CD55: variants seen among roughly 807,000 people sequenced by gnomAD.
CD55 encodes CD55 molecule (Cromer blood group).
Under a neutral mutation model 45.8 loss-of-function variants are expected in CD55, and 41 were observed. The ratio of observed to expected loss-of-function variants is 0.90; its 90% CI spans 0.70 to 1.16. The LOEUF is 1.16. Among genes scored for constraint, CD55 ranks in the 50% most tolerant of loss-of-function variants. CD55 has a pLI of 0.00. For missense variants in CD55, 416 were observed against 469.8 expected (o/e 0.89, Z 1.06); for synonymous variants, 181 against 181.1 (o/e 1.00, Z 0.01).
intron 9 of CD55, among the ~76,000 whole-genome samples, chr1:207,344,660 T>C (rs1167600150): frequency 6.6e-6 from 1 of 152,160 alleles, no homozygotes; most frequent in Non-Finnish European, 1.5e-5. Context: ...TTTAGAACTC[T>C]CTCTGTCTTT....
chr1:207,353,886 G>T, intron 9 of CD55: 3 of 745,452 alleles, frequency 4.0e-6, no homozygotes, highest in East Asian at 5.8e-5. Flanking sequence ...CTCTTCCCAG[G>T]GTGCCTTCAC....
intron 9 of CD55, among the ~76,000 whole-genome samples, chr1:207,357,677 G>A (rs377755247): frequency 9.2e-5 from 14 of 152,172 alleles, no homozygotes; most frequent in African/African-American, 2.4e-4. Flanking sequence ...GTGATTGGCT[G>A]TGATACTTGT....
At chr1:207,322,234 A>T in intron 1 of CD55, 148 bp from the exon 2 acceptor site, 1 of 764,734 alleles carries the variant, frequency 1.3e-6, no homozygotes, top group Non-Finnish European at 2.4e-6. Context: ...CACTCTCGAC[A>T]GAGTCCAGCC....
Position 207,359,563 on chromosome 1 carries a change from T to C in CD55, c.1099T>C (p.Leu367=), listed in dbSNP as rs375489214. 7 of 1,587,190 alleles carry C rather than the reference T, an allele frequency of 4.4e-6. No homozygotes were observed. In the African/African-American group the frequency reaches 9.7e-5, roughly 22 times the overall value. ...RLLSGHTCFT[L]TGLLGTLVTM... is the part of the protein sequence containing the mutation. ...ATTTTCAGGGCACACGTGTTTCACG[T>C]TGACAGGTTTGCTTGGGACGCTAGT... Residue 367 remains leucine (L), a synonymous_variant, in exon 10 of 10, where the codon TTG becomes CTG. Coordinates refer to ENST00000367064, the MANE Select transcript of CD55 (RefSeq NM_000574.5).
chr1:207,354,313 CT>C, intron 9 of CD55: 1 of 854,868 alleles, frequency 1.2e-6, no homozygotes, highest in Non-Finnish European at 1.4e-6. Flanking sequence ...TCTCAGTTTT[CT>C]TATCTGGAAA....
intron 3 of CD55, 57 bp downstream of exon 3, chr1:207,324,807 C>T: frequency 9.3e-7 from 1 of 1,074,332 alleles, no homozygotes; most frequent in Non-Finnish European, 1.4e-6. Flanking sequence ...GAAATAGTAT[C>T]CCTTCCTTCA....
At chr1:207,337,649 T>C in intron 8 of CD55, 2 of 363,460 alleles carry the variant, frequency 5.5e-6, no homozygotes, top group Non-Finnish European at 9.8e-6. Context: ...AAATGCTAAA[T>C]TAAGATTGGT....
At chr1:207,338,968 A>C (rs1655299864) in intron 8 of CD55, among the ~76,000 whole-genome samples, 2 of 152,192 alleles carry the variant, frequency 1.3e-5, no homozygotes, top group Admixed American at 1.3e-4. Flanking sequence ...AAAGATATAA[A>C]TAATAAGGTG....
intron 8 of CD55, 84 bp downstream of exon 8, chr1:207,337,493 A>G (rs1389920748): frequency 2.6e-6 from 2 of 774,816 alleles, no homozygotes; most frequent in African/African-American, 3.5e-5. Flanking sequence ...TTGCAGGATT[A>G]AATGGTCTCT....
chr1:207,355,478 G>A (rs1656043268), intron 9 of CD55, among the ~76,000 whole-genome samples: 1 of 152,160 alleles, frequency 6.6e-6, no homozygotes, highest in African/African-American at 2.4e-5. Context: ...ATTATTTGCT[G>A]TTGTTCAGCT....
intron 3 of CD55, among the ~76,000 whole-genome samples, chr1:207,324,957 G>T (rs1654605020): frequency 6.6e-6 from 1 of 152,072 alleles, no homozygotes; most frequent in African/African-American, 2.4e-5. Flanking sequence ...CATTTAATTA[G>T]TTTGAGGTTA....
chr1:207,355,417 A>G (rs1656041361), intron 9 of CD55, among the ~76,000 whole-genome samples: 1 of 152,184 alleles, frequency 6.6e-6, no homozygotes. Flanking sequence ...TTGAGAAGAA[A>G]GATTGTGTAA....
At chr1:207,349,747 C>G (rs1207657778) in intron 9 of CD55, among the ~76,000 whole-genome samples, 1 of 152,138 alleles carries the variant, frequency 6.6e-6, no homozygotes, top group African/African-American at 2.4e-5. Context: ...TGTTGTTTAA[C>G]AGTTCTAAAA....
chr1:207,333,127 T>C (rs889948950), intron 6 of CD55, among the ~76,000 whole-genome samples: 1 of 152,338 alleles, frequency 6.6e-6, no homozygotes, highest in Middle Eastern at 3.4e-3. Context: ...AAGTACAAAA[T>C]GAAATCTCTC....
chr1:207,339,533 AT>A, intron 9 of CD55, 116 bp downstream of exon 9: 2 of 832,220 alleles, frequency 2.4e-6, no homozygotes, highest in South Asian at 1.7e-5. Context: ...CCTGCAATTT[AT>A]TTTTAAACTT....
chr1:207,358,769 A>G lies in CD55; in HGVS notation c.1082-777A>G, dbSNP rs1003155990. 3.9e-5 allele frequency: 6 copies of G among 152,200 alleles called. No individual in the cohort carries two copies. In the South Asian group the frequency reaches 6.2e-4, roughly 16 times the overall value. The allele number at this position is 152,200 out of a possible 1,614,324, so 9.4% of individuals were successfully genotyped here. Reference sequence around the variant, plus strand: ...TGTTTTTTTCTTTGTTGAATGACTAATACATTGAATCTCTCATTACTATGA... The same window carrying G: ...TGTTTTTTTCTTTGTTGAATGACTAGTACATTGAATCTCTCATTACTATGA... On this transcript the variant is annotated intron_variant, in intron 9 of 9. Transcript: ENST00000367064.
chr1:207,342,149 AT>A (rs200541663), intron 9 of CD55, among the ~76,000 whole-genome samples: 2 of 151,264 alleles, frequency 1.3e-5, no homozygotes, highest in African/African-American at 2.4e-5. Context: ...GTCTTTAAGG[AT>A]TTTTTTTTAC....
chr1:207,360,679 A>G lies in CD55; in HGVS notation c.*1069A>G, dbSNP rs971898906. 13 of 152,128 alleles carry G rather than the reference A, an allele frequency of 8.5e-5. No individual in the cohort carries two copies. Among genetic ancestry groups the G allele is most frequent in the African/African-American group, 2.7e-4 (11 of 41,436 alleles). 9.4% of individuals were successfully genotyped at this position (152,128 alleles called of 1,614,324 possible). A position where few individuals can be genotyped will look rare whatever the true frequency, so the allele number is the denominator to read the frequency against. ...TCTCAAGCATGTCATATCCTTTCCTATTAGAGTATCTATATTACTTGTTAC... is the reference window on the plus strand; with the variant it reads ...TCTCAAGCATGTCATATCCTTTCCTGTTAGAGTATCTATATTACTTGTTAC... On this transcript the variant is annotated 3_prime_UTR_variant, in exon 10 of 10. Transcript: ENST00000367064.
At chr1:207,345,550 T>G (rs1410847855) in intron 9 of CD55, among the ~76,000 whole-genome samples, 1 of 152,192 alleles carries the variant, frequency 6.6e-6, no homozygotes, top group East Asian at 1.9e-4. Flanking sequence ...ATCACAACTT[T>G]GAATTCTTTT....
Sources: gnomAD v4.1 joint callset for allele counts (sites outside exome capture counted in the v4.1 genomes callset) on GRCh38, gnomAD v4.1.1 for gene constraint, MANE v1.5 for transcripts, NCBI Gene and HGNC (gene_info 2026-07-23, HGNC 2026-07-21) for gene names.